DAB1: variants seen among roughly 807,000 people sequenced by gnomAD.
The protein encoded by DAB1 is disabled homolog 1.
A neutral mutation model predicts 64.6 loss-of-function variants in DAB1; 15 were observed. The observed-to-expected ratio is 0.23, with a 90% CI of 0.16 to 0.36. The LOEUF (loss-of-function observed/expected upper bound fraction) is 0.36, where lower values mean the gene tolerates loss of function less well. Ranked by LOEUF, DAB1 falls within the 10% of genes least tolerant of loss-of-function variation. The probability of loss-of-function intolerance (pLI) is 1.00; values close to 1 mark genes in which losing one functional copy is unlikely to be tolerated. For synonymous variants in DAB1, 235 were observed against 251.9 expected (o/e 0.93, Z 0.64); for missense variants, 596 against 706.7 (o/e 0.84, Z 1.78).
At chr1:58,393,494 T>G (rs982272935) in intron 3 of DAB1, among the ~76,000 whole-genome samples, 2 of 152,164 alleles carry the variant, frequency 1.3e-5, no homozygotes, top group South Asian at 4.1e-4. Flanking sequence ...TTTTACATAT[T>G]AAAAAACTGA....
intron 2 of DAB1, among the ~76,000 whole-genome samples, chr1:57,266,743 T>C (rs1020590234): frequency 1.3e-5 from 2 of 152,336 alleles, no homozygotes; most frequent in South Asian, 4.1e-4. Context: ...AATGGATATA[T>C]GATCAAAGAA....
rs546592433 is a variant in DAB1, at chr1:58,094,469, G to A, written n.387+56042C>T. Among the ~76,000 whole-genome samples, 47 of 152,320 alleles carry A rather than the reference G, an allele frequency of 3.1e-4. 1 individual carries two copies. The highest frequency in any genetic ancestry group is 1.1e-3 in the African/African-American group (46 of 41,582). On this transcript the variant is annotated intron_variant and non_coding_transcript_variant, in intron 5 of 20. Coordinates refer to the DAB1 transcript ENST00000485760. The stretch of plus-strand genomic sequence containing the variant: ...AGAACAACATGATGATGAAGAGAAA[G>A]TGGCTTGCAGTTGCTAACCAGGATT...
At chr1:58,300,602 AAGAAAGAAAGAG>A (rs1477552892) in intron 4 of DAB1, among the ~76,000 whole-genome samples, 70 of 39,268 alleles carry the variant, frequency 1.8e-3, no homozygotes, top group Middle Eastern at 0.011. Flanking sequence ...GAAAGAAAGA[AAGAAAGAAAGAG>A]AGAGAGAGAG....
intron 4 of DAB1, among the ~76,000 whole-genome samples, chr1:58,206,298 C>T (rs3861823): frequency 0.19 from 28,747 of 152,164 alleles, 2,913 homozygotes; most frequent in East Asian, 0.37. Context: ...ATTAGGCAAT[C>T]AGATATGCAT....
At chr1:57,839,554 C>T (rs1342291094) in intron 1 of DAB1, among the ~76,000 whole-genome samples, 2 of 152,166 alleles carry the variant, frequency 1.3e-5, no homozygotes, top group Non-Finnish European at 2.9e-5. Context: ...GCTCATTGCC[C>T]TAAAATACTT....
intron 9 of DAB1, among the ~76,000 whole-genome samples, chr1:57,060,125 T>TTTTA (rs1650227539): frequency 7.4e-6 from 1 of 135,904 alleles, no homozygotes; most frequent in Non-Finnish European, 1.6e-5. Context: ...ATTCATATAT[T>TTTTA]TTTTATTTTA....
intron 7 of DAB1, among the ~76,000 whole-genome samples, chr1:57,442,749 T>A (rs1361881940): frequency 1.3e-5 from 2 of 152,220 alleles, no homozygotes; most frequent in African/African-American, 4.8e-5. Flanking sequence ...GCATTCCCCA[T>A]GGAGGAGTGC....
intron 3 of DAB1, among the ~76,000 whole-genome samples, chr1:57,141,201 G>T (rs532780461): frequency 6.6e-6 from 1 of 152,216 alleles, no homozygotes; most frequent in South Asian, 2.1e-4. Flanking sequence ...AGTTAAAAAG[G>T]GGAATATAAG....
At chr1:57,080,612 G>A (rs1392181662) in intron 4 of DAB1, among the ~76,000 whole-genome samples, 1 of 152,136 alleles carries the variant, frequency 6.6e-6, no homozygotes, top group Non-Finnish European at 1.5e-5. Flanking sequence ...AACCAGCTGA[G>A]GGTATTCCAG....
At chr1:57,142,619 C>CACACACACAT (rs1658715129) in intron 3 of DAB1, among the ~76,000 whole-genome samples, 1 of 150,306 alleles carries the variant, frequency 6.7e-6, no homozygotes, top group Non-Finnish European at 1.5e-5. Context: ...CACACACACA[C>CACACACACAT]ACACACACAC....
At chr1:57,053,664 A>ATATATATATG (rs1649423552) in intron 9 of DAB1, among the ~76,000 whole-genome samples, 1 of 70,928 alleles carries the variant, frequency 1.4e-5, no homozygotes. Context: ...CTCTCTCTAT[A>ATATATATATG]TGTATATATA....
intron 7 of DAB1, among the ~76,000 whole-genome samples, chr1:57,564,133 T>C (rs890934215): frequency 6.6e-6 from 1 of 152,140 alleles, no homozygotes; most frequent in African/African-American, 2.4e-5. Context: ...TTCACCAATA[T>C]TCACTGTTCT....
chr1:58,107,188 C>T (rs960451376), intron 5 of DAB1, among the ~76,000 whole-genome samples: 2 of 151,400 alleles, frequency 1.3e-5, no homozygotes, highest in East Asian at 3.9e-4. Flanking sequence ...GGGCCGGGTG[C>T]AGTGGCTCAC....
At position 57,746,992 on chromosome 1, in the gene DAB1, C is replaced by T. The variant is rs572744589; in HGVS notation, n.552-97327G>A. Among the ~76,000 whole-genome samples, 155 of 152,114 alleles carry T rather than the reference C, an allele frequency of 1.0e-3. 1 individual carries two copies. Among genetic ancestry groups the T allele is most frequent in the African/African-American group, 3.1e-3 (127 of 41,512 alleles). On this transcript the variant is annotated intron_variant and non_coding_transcript_variant, in intron 6 of 20. Transcript: ENST00000485760. ...CACATAACCAACATCTCTTATTATA[C>T]GTTGGCTTTTTGTGTTTTTCTTTTT...
At chr1:57,624,002 T>C (rs1645892450) in intron 7 of DAB1, among the ~76,000 whole-genome samples, 1 of 152,212 alleles carries the variant, frequency 6.6e-6, no homozygotes, top group Non-Finnish European at 1.5e-5. Context: ...TGGGCTTTCA[T>C]GCCTTATTGT....
At chr1:57,936,695 TA>T (rs202061643) in intron 5 of DAB1, among the ~76,000 whole-genome samples, 2,546 of 151,426 alleles carry the variant, frequency 0.017, 29 homozygotes, top group Non-Finnish European at 0.025. Flanking sequence ...TTTATTTATT[TA>T]TTTTTTTTAG....
At chr1:57,775,699 A>G (rs1649763058) in intron 6 of DAB1, among the ~76,000 whole-genome samples, 1 of 151,662 alleles carries the variant, frequency 6.6e-6, no homozygotes, top group South Asian at 2.1e-4. Context: ...GTTGAGTTTT[A>G]TAAAATATTA....
chr1:58,300,639 AG>A (rs1557726255), intron 4 of DAB1, among the ~76,000 whole-genome samples: 942 of 59,432 alleles, frequency 0.016, 38 homozygotes, highest in East Asian at 0.081. Context: ...AGAGAGAGAG[AG>A]AGAGAGAGGA....
chr1:57,153,168 G>A (rs542336118), intron 2 of DAB1, among the ~76,000 whole-genome samples: 2 of 152,236 alleles, frequency 1.3e-5, no homozygotes, highest in East Asian at 3.9e-4. Flanking sequence ...TGGGATTACA[G>A]GCGTACGCCA....
Sources: gnomAD v4.1 joint callset for allele counts (sites outside exome capture counted in the v4.1 genomes callset) on GRCh38, gnomAD v4.1.1 for gene constraint, MANE v1.5 for transcripts, NCBI Gene and HGNC (gene_info 2026-07-23, HGNC 2026-07-21) for gene names.